Variants in METAP1D observed in about 807,000 individuals in gnomAD.
METAP1D encodes the protein methionine aminopeptidase 1D, mitochondrial.
Under a neutral mutation model 40.5 loss-of-function variants are expected in METAP1D, and 31 were observed. The observed-to-expected ratio is 0.77, with a 90% CI of 0.58 to 1.03. METAP1D has a LOEUF of 1.03. Ranked by LOEUF, METAP1D falls within the 50% of genes least tolerant of loss-of-function variation. METAP1D has a pLI of 0.00. For missense variants in METAP1D, 411 were observed against 420.7 expected (o/e 0.98, Z 0.20); for synonymous variants, 151 against 146.4 (o/e 1.03, Z -0.22).
intron 1 of METAP1D, among the ~76,000 whole-genome samples, chr2:172,056,425 C>T (rs1027317839): frequency 6.6e-6 from 1 of 152,220 alleles, no homozygotes; most frequent in Non-Finnish European, 1.5e-5. Context: ...AATGCTGTGC[C>T]ACTTTGGTTA....
At chr2:172,009,170 A>G (rs1688655013) in intron 1 of METAP1D, among the ~76,000 whole-genome samples, 1 of 151,724 alleles carries the variant, frequency 6.6e-6, no homozygotes, top group Non-Finnish European at 1.5e-5. Context: ...CCTCCCGAGT[A>G]GCTGGGACTA....
chr2:172,065,249 C>T (rs1365492545), intron 3 of METAP1D, among the ~76,000 whole-genome samples: 29 of 152,132 alleles, frequency 1.9e-4, no homozygotes, highest in Admixed American at 1.9e-3. Context: ...CGCTGGGTAG[C>T]CCAGGGCACC....
chr2:172,025,031 A>G (rs1239632245), intron 1 of METAP1D, among the ~76,000 whole-genome samples: 1 of 152,172 alleles, frequency 6.6e-6, no homozygotes, highest in Non-Finnish European at 1.5e-5. Context: ...GTGAGAATAA[A>G]GCCTGACACA....
intron 1 of METAP1D, among the ~76,000 whole-genome samples, chr2:172,040,917 G>A (rs1213281625): frequency 6.6e-6 from 1 of 151,398 alleles, no homozygotes; most frequent in Non-Finnish European, 1.5e-5. Flanking sequence ...CGGCTAACTT[G>A]TGTATTTTTA....
At chr2:172,057,640 G>C (rs1419983139) in intron 1 of METAP1D, among the ~76,000 whole-genome samples, 1 of 152,176 alleles carries the variant, frequency 6.6e-6, no homozygotes, top group Admixed American at 6.5e-5. Flanking sequence ...GTATTTCCCT[G>C]TGTTTTAGCT....
intron 1 of METAP1D, among the ~76,000 whole-genome samples, chr2:172,014,941 T>C (rs1388192902): frequency 2.0e-5 from 3 of 152,150 alleles, no homozygotes; most frequent in Non-Finnish European, 2.9e-5. Context: ...CGTCAGCCAC[T>C]GCGCTGGCCT....
intron 1 of METAP1D, among the ~76,000 whole-genome samples, chr2:172,053,184 A>G (rs1175551269): frequency 6.6e-6 from 1 of 152,234 alleles, no homozygotes; most frequent in African/African-American, 2.4e-5. Flanking sequence ...TAAGGCATGG[A>G]TGCATTTGCA....
intron 6 of METAP1D, among the ~76,000 whole-genome samples, chr2:172,077,125 G>C (rs1407578364): frequency 1.3e-5 from 2 of 152,180 alleles, no homozygotes; most frequent in South Asian, 4.1e-4. Flanking sequence ...CACAATACTA[G>C]CTTATCTTAA....
At position 172,024,037 on chromosome 2, in the gene METAP1D, T is replaced by G. The variant is rs543955011; in HGVS notation, c.40+24028T>G. Reference sequence around the variant, plus strand: ...GCCCGGCTAATTTTTGATTTTGTATTTTTAGTAGAGATGGGGTTTCACTGT... The same window carrying G: ...GCCCGGCTAATTTTTGATTTTGTATGTTTAGTAGAGATGGGGTTTCACTGT... On this transcript the variant is annotated intron_variant, in intron 1 of 9. Coordinates refer to ENST00000315796, the MANE Select transcript of METAP1D (RefSeq NM_199227.3). Among the ~76,000 whole-genome samples, 32 of 152,026 alleles carry G rather than the reference T, an allele frequency of 2.1e-4. 1 individual carries two copies. The South Asian group carries it at 6.5e-3, about 31-fold the overall frequency.
At chr2:172,019,241 A>G (rs1162769218) in intron 1 of METAP1D, among the ~76,000 whole-genome samples, 2 of 152,130 alleles carry the variant, frequency 1.3e-5, no homozygotes, top group Non-Finnish European at 2.9e-5. Context: ...AGTCCTATCT[A>G]TGAAAGAGTG....
In METAP1D at chr2:172,071,049, C is replaced by G. The variant is rs934782149; in HGVS notation, c.683C>G (p.Ser228Cys). 28 of 1,610,502 alleles carry G rather than the reference C, an allele frequency of 1.7e-5. No homozygotes were observed. The highest frequency in any genetic ancestry group is 2.4e-5 in the Non-Finnish European group (28 of 1,178,238). The change falls in exon 6 of 10, where the codon TCT becomes TGT. Residue 228 changes from serine (S) to cysteine (C), a missense_variant. Physicochemically the swap from Ser to Cys is moderately radical, Grantham distance 112 (BLOSUM62 -1). Coordinates refer to ENST00000315796, the MANE Select transcript of METAP1D (RefSeq NM_199227.3). ...IAACRAGAPF[S>C]VIGNTISHIT... ...GCTTGCAGAGCAGGGGCTCCCTTCT[C>G]TGTAATTGGAAACACAATCAGGTAA... is the stretch of plus-strand genomic sequence containing the variant.
At chr2:172,045,713 G>GTGTGTGTGTGTA (rs1689725952) in intron 1 of METAP1D, among the ~76,000 whole-genome samples, 1 of 89,122 alleles carries the variant, frequency 1.1e-5, no homozygotes, top group Non-Finnish European at 2.7e-5. Flanking sequence ...GTGTGTGTGT[G>GTGTGTGTGTGTA]TGTGTGTGTG....
chr2:172,012,135 G>C (rs1688742143), intron 1 of METAP1D, among the ~76,000 whole-genome samples: 1 of 152,188 alleles, frequency 6.6e-6, no homozygotes, highest in African/African-American at 2.4e-5. Flanking sequence ...GTAAGATTAT[G>C]ATTAAGATCA....
intron 2 of METAP1D, among the ~76,000 whole-genome samples, chr2:172,063,243 TAGTC>T (rs1292001486): frequency 6.6e-6 from 1 of 152,246 alleles, no homozygotes; most frequent in Non-Finnish European, 1.5e-5. Context: ...GGGAACTTGA[TAGTC>T]AGCCTTTTTA....
rs778754995 is a variant in METAP1D at position 172,079,197 on chromosome 2, A to C, written c.803-18A>C. 13 of 1,611,436 alleles carry C rather than the reference A, an allele frequency of 8.1e-6. No homozygotes were observed. Among genetic ancestry groups the C allele is most frequent in the Non-Finnish European group, 1.1e-5 (13 of 1,179,158 alleles). On this transcript the variant is annotated intron_variant, in intron 7 of 9. Coordinates refer to ENST00000315796, the MANE Select transcript of METAP1D (RefSeq NM_199227.3). ...TCCCCATTTCCTATTCTCACCCCCCATGTTTTTTGTTTTGCAGCAAACGAC... is the reference window on the plus strand; with the variant it reads ...TCCCCATTTCCTATTCTCACCCCCCCTGTTTTTTGTTTTGCAGCAAACGAC...
chr2:172,024,785 T>TGTGTGTGTGC (rs1452336196), intron 1 of METAP1D, among the ~76,000 whole-genome samples: 6 of 152,014 alleles, frequency 3.9e-5, no homozygotes, highest in African/African-American at 1.5e-4. Flanking sequence ...TGTGTGTGTG[T>TGTGTGTGTGC]GTGTTTTAAT....
intron 1 of METAP1D, among the ~76,000 whole-genome samples, chr2:172,019,486 C>T (rs763124459): frequency 4.6e-5 from 7 of 151,418 alleles, no homozygotes; most frequent in Non-Finnish European, 8.8e-5. Context: ...GAGGTGGAGG[C>T]GGGAGGATTG....
At position 172,080,797 on chromosome 2, in the gene METAP1D, T is replaced by C; in HGVS notation, c.*391T>C. The C allele has an allele frequency of 3.5e-6, 1 of 282,000 alleles. No homozygotes were observed. The highest frequency in any genetic ancestry group is 6.8e-6 in the Non-Finnish European group (1 of 148,094). 17.5% of individuals were successfully genotyped at this position (282,000 alleles called of 1,614,324 possible). Reference sequence around the variant, plus strand: ...CAGAGGTCCTTACCTCTCTGACAGTTACAGTGATCTTTGTATCTGAACTTT... The same window carrying C: ...CAGAGGTCCTTACCTCTCTGACAGTCACAGTGATCTTTGTATCTGAACTTT... On this transcript the variant is annotated 3_prime_UTR_variant, in exon 10 of 10. Transcript: ENST00000315796.
chr2:172,042,951 C>A (rs1192661482), intron 1 of METAP1D, among the ~76,000 whole-genome samples: 4 of 124,832 alleles, frequency 3.2e-5, no homozygotes, highest in Admixed American at 1.6e-4. Flanking sequence ...GTATGCGTAC[C>A]TGTGTATATA....
Sources: gnomAD v4.1 joint callset for allele counts (sites outside exome capture counted in the v4.1 genomes callset) on GRCh38, gnomAD v4.1.1 for gene constraint, MANE v1.5 for transcripts, NCBI Gene and HGNC (gene_info 2026-07-23, HGNC 2026-07-21) for gene names.